Variants in DYDC1 observed in about 807,000 individuals in gnomAD.
DYDC1 encodes DPY30 domain-containing protein 1.
Under a neutral mutation model 27.9 loss-of-function variants are expected in DYDC1, and 21 were observed. The ratio of observed to expected loss-of-function variants is 0.75; its 90% confidence interval spans 0.53 to 1.08. The LOEUF (loss-of-function observed/expected upper bound fraction) is 1.08. Among genes scored for constraint, DYDC1 ranks in the 50% least tolerant of loss-of-function variants. The pLI is 0.00. For missense variants in DYDC1, 202 were observed against 205.9 expected, an observed-to-expected ratio of 0.98 and a Z score of 0.12; for synonymous variants, 67 against 65.8, an observed-to-expected ratio of 1.02 and a Z score of -0.09.
chr10:80,337,384 A>G, intron 6 of DYDC1: 3 of 985,414 alleles, frequency 3.0e-6, no homozygotes, highest in Non-Finnish European at 3.6e-6. Flanking sequence ...GTGCAGCTCC[A>G]TTTTCTGAAC....
chr10:80,338,029 T>C, intron 6 of DYDC1: 3 of 961,662 alleles, frequency 3.1e-6, no homozygotes, highest in Non-Finnish European at 3.7e-6. Flanking sequence ...CACCACAGCA[T>C]CAGGCACAGT....
intron 3 of DYDC1, among the ~76,000 whole-genome samples, chr10:80,345,302 G>A (rs925742727): frequency 1.3e-5 from 2 of 152,080 alleles, no homozygotes; most frequent in Admixed American, 1.3e-4. Context: ...TGAGCTCAGG[G>A]TCAAGATTTA....
intron 6 of DYDC1, chr10:80,336,463 G>T: frequency 1.7e-6 from 1 of 582,340 alleles, no homozygotes; most frequent in Non-Finnish European, 2.2e-6. Context: ...TGTTAGAATT[G>T]CTAATGGTTC....
chr10:80,352,671 A>C, intron 1 of DYDC1, 61 bp from the exon 2 acceptor site: 1 of 1,528,936 alleles, frequency 6.5e-7, no homozygotes, highest in Non-Finnish European at 8.8e-7. Context: ...CTATAAAACT[A>C]AAGTCCAGTG....
At position 80,345,361 on chromosome 10, in the gene DYDC1, A is replaced by T. The variant is rs575903292; in HGVS notation, c.250-3000T>A. 3.9e-5 allele frequency among the ~76,000 whole-genome samples: 6 copies of T among 152,350 alleles called. No individual in the cohort carries two copies. The East Asian group carries it at 1.2e-3, about 29-fold the overall frequency. ...ATGCATATAATGTTTTGATATATAT[A>T]GTGAATGCTTACCACAGGTAAGCAA... is the stretch of plus-strand genomic sequence containing the variant. On this transcript the variant is annotated intron_variant, in intron 3 of 6. Transcript: ENST00000372202.
chr10:80,349,202 A>AT (rs1432994835), intron 3 of DYDC1, among the ~76,000 whole-genome samples: 1 of 152,194 alleles, frequency 6.6e-6, no homozygotes, highest in East Asian at 1.9e-4. Flanking sequence ...GCAGATAAAT[A>AT]TTTTAAAATA....
At chr10:80,345,178 T>C (rs1364191880) in intron 3 of DYDC1, among the ~76,000 whole-genome samples, 26 of 152,214 alleles carry the variant, frequency 1.7e-4, no homozygotes, top group Non-Finnish European at 2.8e-4. Flanking sequence ...CTTCATTCAC[T>C]CTTGTAAACT....
Position 80,346,444 on chromosome 10 carries a change from C to CTTTTTTTTTTTTTTTTTTTTTTTTTTT in DYDC1, c.250-4110_250-4084dup, listed in dbSNP as rs1032729095. On this transcript the variant is annotated intron_variant, in intron 3 of 6. Coordinates refer to ENST00000372202, the MANE Select transcript of DYDC1 (RefSeq NM_001269053.2). The stretch of plus-strand genomic sequence containing the variant: ...TCACCAATGTGTGTCTCTTCCCTTT[C>CTTTTTTTTTTTTTTTTTTTTTTTTTTT]TTTTTTTTTTTTTTTTTTTTTTTTT... Among the ~76,000 whole-genome samples, 12 of 83,360 alleles carry CTTTTTTTTTTTTTTTTTTTTTTTTTTT rather than the reference C, an allele frequency of 1.4e-4. 1 individual carries two copies. The highest frequency in any genetic ancestry group is 4.0e-4 in the African/African-American group (8 of 20,098). The allele number at this position is 83,360 out of a possible 152,430, so 54.7% of individuals were successfully genotyped here.
chr10:80,356,228 T>G (rs1843360196), intron 1 of DYDC1: 1 of 983,156 alleles, frequency 1.0e-6, no homozygotes, highest in South Asian at 4.7e-5. Flanking sequence ...TCTCCTGTGG[T>G]AAGCAATGTT....
chr10:80,355,293 C>T (rs987991277), intron 1 of DYDC1, among the ~76,000 whole-genome samples: 2 of 151,642 alleles, frequency 1.3e-5, no homozygotes, highest in Non-Finnish European at 2.9e-5. Context: ...CCGTCCATAA[C>T]CCCCAATTTT....
chr10:80,352,770 C>G, intron 1 of DYDC1, 160 bp from the exon 2 acceptor site: 1 of 901,406 alleles, frequency 1.1e-6, no homozygotes, highest in African/African-American at 1.7e-5. Flanking sequence ...CAGGAAACTT[C>G]TAATAGTTTC....
chr10:80,343,072 T>A (rs189815603), intron 3 of DYDC1, among the ~76,000 whole-genome samples: 1 of 152,188 alleles, frequency 6.6e-6, no homozygotes, highest in African/African-American at 2.4e-5. Flanking sequence ...TCAGCATATC[T>A]GTCACACTAG....
chr10:80,336,144 G>A lies in DYDC1; in HGVS notation c.*12C>T. 1.4e-6 allele frequency: 2 copies of A among 1,429,294 alleles called. No homozygotes were observed. The highest frequency in any genetic ancestry group is 1.2e-5 in the South Asian group (1 of 81,158). The allele number at this position is 1,429,294 out of a possible 1,614,324, so 88.5% of individuals were successfully genotyped here. A position where few individuals can be genotyped will look rare whatever the true frequency, so the allele number is the denominator to read the frequency against. On this transcript the variant is annotated 3_prime_UTR_variant, in exon 7 of 7. Transcript: ENST00000372202. ...CAAACAAAAACATTTATTGCTCTTA[G>A]GTTGGTTGGTCCTACAAATCTTGAT... is the stretch of plus-strand genomic sequence containing the variant.
chr10:80,353,133 C>T (rs1843103904), intron 1 of DYDC1, among the ~76,000 whole-genome samples: 1 of 151,922 alleles, frequency 6.6e-6, no homozygotes, highest in African/African-American at 2.4e-5. Context: ...TACAAAGCAT[C>T]ACAATAGTCC....
Position 80,352,712 on chromosome 10 carries a change from C to CTCAG in DYDC1, c.-9-106_-9-103dup, listed in dbSNP as rs1210067268. ...AACAAAGCCTTACATACACCCTGCC[C>CTCAG]TCAGTCATGGACACCTCCCATTGGG... On this transcript the variant is annotated intron_variant, in intron 1 of 6. Transcript: ENST00000372202. The CTCAG allele has an allele frequency of 2.2e-6, 3 of 1,362,570 alleles. No individual in the cohort carries two copies. The African/African-American group carries it at 4.5e-5, about 20-fold the overall frequency. The allele number at this position is 1,362,570 out of a possible 1,614,324, so 84.4% of individuals were successfully genotyped here. A position where few individuals can be genotyped will look rare whatever the true frequency, so the allele number is the denominator to read the frequency against.
chr10:80,337,022 C>G (rs1203873552), intron 6 of DYDC1: 1 of 647,614 alleles, frequency 1.5e-6, no homozygotes, highest in African/African-American at 2.0e-5. Context: ...ATACAAGACC[C>G]AGTGTGCTCT....
intron 6 of DYDC1, chr10:80,337,499 A>T: frequency 6.4e-6 from 6 of 938,734 alleles, no homozygotes; most frequent in Non-Finnish European, 7.6e-6. Context: ...TCTTCCCCAC[A>T]CTGTTACCAG....
intron 3 of DYDC1, among the ~76,000 whole-genome samples, chr10:80,346,089 C>T (rs905732798): frequency 6.6e-5 from 10 of 152,206 alleles, no homozygotes; most frequent in African/African-American, 2.4e-4. Flanking sequence ...CTCAAGTGAT[C>T]CTCAGGCCTC....
chr10:80,338,716 G>T, intron 5 of DYDC1, 145 bp from the exon 6 acceptor site: 1 of 848,222 alleles, frequency 1.2e-6, no homozygotes. Flanking sequence ...TTCTGTTAAT[G>T]ACAAGAGAAT....
Sources: gnomAD v4.1 joint callset for allele counts (sites outside exome capture counted in the v4.1 genomes callset) on GRCh38, gnomAD v4.1.1 for gene constraint, MANE v1.5 for transcripts, NCBI Gene and HGNC (gene_info 2026-07-23, HGNC 2026-07-21) for gene names.